The following LRIG3 variants were observed in gnomAD, a reference collection of about 807,000 sequenced individuals.
The protein encoded by LRIG3 is leucine-rich repeats and immunoglobulin-like domains protein 3.
In LRIG3, 76 loss-of-function variants were observed where a neutral mutation model predicts 114.5. The observed-to-expected ratio is 0.66, with a 90% CI of 0.55 to 0.80. The LOEUF (loss-of-function observed/expected upper bound fraction) is 0.80, where lower values mean the gene tolerates loss of function less well. LRIG3 is among the 30% of genes least tolerant of loss of function. The pLI is 0.00. For synonymous variants in LRIG3, 512 were observed against 519.8 expected, an observed-to-expected ratio of 0.98 and a Z score of 0.20; for missense variants, 1,239 against 1,382.8, an observed-to-expected ratio of 0.90 and a Z score of 1.65.
chr12:58,899,917 T>A (rs866274455), intron 3 of LRIG3, among the ~76,000 whole-genome samples: 28 of 152,186 alleles, frequency 1.8e-4, no homozygotes, highest in African/African-American at 6.5e-4. Flanking sequence ...AGAGCTTGGA[T>A]GCTACCATCT....
rs1381108340 is a variant in LRIG3, at chr12:58,914,246, C to G, written c.308+19G>C. 6.2e-7 allele frequency: 1 copy of G among 1,611,658 alleles called. No individual in the cohort carries two copies. Among genetic ancestry groups the G allele is most frequent in the Non-Finnish European group, 8.5e-7 (1 of 1,178,350 alleles). On this transcript the variant is annotated intron_variant, in intron 2 of 18. Transcript: ENST00000320743. Reference sequence around the variant, plus strand: ...ACGTATTTTACTCAAACCTTAAAAACAAAATAACGAAGACTCACACTTCTC... The same window carrying G: ...ACGTATTTTACTCAAACCTTAAAAAGAAAATAACGAAGACTCACACTTCTC...
In LRIG3 at chr12:58,920,254, G is replaced by GTC; in HGVS notation, c.-21_-20dup. 1 of 1,331,932 alleles carries GTC rather than the reference G, an allele frequency of 7.5e-7. No individual in the cohort carries two copies. The highest frequency in any genetic ancestry group is 9.5e-7 in the Non-Finnish European group (1 of 1,047,272). The allele number at this position is 1,331,932 out of a possible 1,614,324, so 82.5% of individuals were successfully genotyped here. A position where few individuals can be genotyped will look rare whatever the true frequency, so the allele number is the denominator to read the frequency against. ...CGCTCATCGCGGTCCAGCGGCCTAG[G>GTC]TCTCTACCCGAAGCTCCCAGCCGGC... On this transcript the variant is annotated 5_prime_UTR_variant, in exon 1 of 19. Transcript: ENST00000320743.
In LRIG3 at chr12:58,874,071, C is replaced by G; in HGVS notation, c.3099G>C (p.Ser1033=). The G allele has an allele frequency of 1.2e-6, 2 of 1,614,092 alleles. No individual in the cohort carries two copies. Among genetic ancestry groups the G allele is most frequent in the Non-Finnish European group, 1.7e-6 (2 of 1,180,012 alleles). Residue 1033 remains serine, a synonymous_variant, in exon 18 of 19, where the codon TCG becomes TCC. Coordinates refer to ENST00000320743, the MANE Select transcript of LRIG3 (RefSeq NM_153377.5). ...TAAACTTACCCATGAAAGAATTACTCGAGGCAACCGACGCTGGCTCTGGAT... is the reference window on the plus strand; with the variant it reads ...TAAACTTACCCATGAAAGAATTACTGGAGGCAACCGACGCTGGCTCTGGAT... The part of the protein sequence containing the change: ...SANPEPASVA[S]SNSFMGTFGK...
intron 10 of LRIG3, among the ~76,000 whole-genome samples, chr12:58,884,244 T>G (rs1871203677): frequency 1.3e-5 from 2 of 152,210 alleles, no homozygotes; most frequent in Non-Finnish European, 2.9e-5. Context: ...GGCAGGAAAT[T>G]CATAAAATGA....
At chr12:58,875,665 C>A (rs1309294267) in intron 16 of LRIG3, among the ~76,000 whole-genome samples, 1 of 152,174 alleles carries the variant, frequency 6.6e-6, no homozygotes, top group African/African-American at 2.4e-5. Flanking sequence ...AGGTCTTGTA[C>A]CAAACCTGTG....
At chr12:58,903,642 T>C (rs1355921290) in intron 3 of LRIG3, among the ~76,000 whole-genome samples, 17 of 152,008 alleles carry the variant, frequency 1.1e-4, no homozygotes, top group Non-Finnish European at 2.4e-4. Flanking sequence ...TCCTTGCCCA[T>C]GCCTATGTCC....
intron 13 of LRIG3, 179 bp downstream of exon 13, chr12:58,880,402 G>C (rs1250268365): frequency 5.5e-6 from 4 of 721,982 alleles, no homozygotes; most frequent in Non-Finnish European, 9.9e-6. Flanking sequence ...CAACATAATT[G>C]CAGGTTTAGA....
At chr12:58,909,776 C>T (rs566755388) in intron 3 of LRIG3, among the ~76,000 whole-genome samples, 1 of 152,216 alleles carries the variant, frequency 6.6e-6, no homozygotes, top group Non-Finnish European at 1.5e-5. Context: ...AAGTTAATTC[C>T]AGGCCACCTG....
intron 3 of LRIG3, among the ~76,000 whole-genome samples, chr12:58,897,846 G>A (rs1227421573): frequency 6.6e-6 from 1 of 152,068 alleles, no homozygotes; most frequent in East Asian, 1.9e-4. Context: ...CTTTTTTGGG[G>A]CAGAGGCCTT....
rs1379975221 is a variant in LRIG3, at chr12:58,877,764, A to C, written c.2172T>G (p.Pro724=). The C allele has an allele frequency of 6.2e-7, 1 of 1,614,112 alleles. No individual in the cohort carries two copies. Among genetic ancestry groups the C allele is most frequent in the Non-Finnish European group, 8.5e-7 (1 of 1,180,016 alleles). Residue 724 remains proline (P), a synonymous_variant, in exon 15 of 19, where the codon CCT becomes CCG. Transcript: ENST00000320743. ...AVLQCIAGGS[P]PPKLNWTKDD... The stretch of plus-strand genomic sequence containing the variant: ...CTTTGGTCCAGTTCAGTTTAGGGGG[A>C]GGGCTTCCTCCAGCAATGCACTGTA...
At chr12:58,908,326 G>C (rs1183324754) in intron 3 of LRIG3, among the ~76,000 whole-genome samples, 1 of 152,204 alleles carries the variant, frequency 6.6e-6, no homozygotes, top group Non-Finnish European at 1.5e-5. Flanking sequence ...AGTGTGGAAA[G>C]AGGAGGGTTT....
chr12:58,878,895 A>G lies in LRIG3; in HGVS notation c.2012T>C (p.Ile671Thr), dbSNP rs200748601. ...CTGAGCTGTGCAGCTGTATACCCCA[A>G]TGTCCTCTATCTTCACATCCACGAT... The part of the protein sequence containing the change: ...FFIVDVKIED[I>T]GVYSCTAQNS... Residue 671 changes from isoleucine to threonine, a missense_variant, in exon 14 of 19, where the codon ATT becomes ACT. Coordinates refer to ENST00000320743, the MANE Select transcript of LRIG3 (RefSeq NM_153377.5). The G allele has an allele frequency of 4.0e-5, 64 of 1,614,148 alleles. No homozygotes were observed. In the South Asian group the frequency reaches 4.1e-4, roughly 10 times the overall value.
intron 13 of LRIG3, among the ~76,000 whole-genome samples, chr12:58,879,803 A>C (rs1871056912): frequency 6.6e-6 from 1 of 152,246 alleles, no homozygotes; most frequent in Admixed American, 6.5e-5. Flanking sequence ...CTAAATGAGC[A>C]TAATGCCTCT....
At chr12:58,911,145 G>A (rs1361728923) in intron 3 of LRIG3, among the ~76,000 whole-genome samples, 1 of 130,216 alleles carries the variant, frequency 7.7e-6, no homozygotes, top group Admixed American at 8.0e-5. Context: ...TTCAGGCCTT[G>A]TGCATGCTAA....
At position 58,909,749 on chromosome 12, in the gene LRIG3, G is replaced by A. The variant is rs117892519; in HGVS notation, c.383+4233C>T. 2.2e-4 allele frequency among the ~76,000 whole-genome samples: 34 copies of A among 152,306 alleles called. No homozygotes were observed. In the East Asian group the frequency reaches 6.0e-3, roughly 27 times the overall value. ...TAACTTGCCCAAGGTTACAAACCTGGCAAAGGGTGGAGCCAAAAGTTAATT... is the reference window on the plus strand; with the variant it reads ...TAACTTGCCCAAGGTTACAAACCTGACAAAGGGTGGAGCCAAAAGTTAATT... On this transcript the variant is annotated intron_variant, in intron 3 of 18. Coordinates refer to ENST00000320743, the MANE Select transcript of LRIG3 (RefSeq NM_153377.5).
intron 16 of LRIG3, 145 bp downstream of exon 16, chr12:58,876,300 T>G: frequency 1.3e-6 from 1 of 763,330 alleles, no homozygotes; most frequent in East Asian, 2.7e-5. Flanking sequence ...GGTATAGAAC[T>G]ATACAATTTC....
At chr12:58,882,520 G>A (rs1871154878) in intron 12 of LRIG3, among the ~76,000 whole-genome samples, 1 of 152,098 alleles carries the variant, frequency 6.6e-6, no homozygotes, top group Non-Finnish European at 1.5e-5. Context: ...TCAGAGTTGG[G>A]AAGAGAAGAA....
chr12:58,873,077 G>A (rs1350184463), intron 18 of LRIG3, among the ~76,000 whole-genome samples: 2 of 152,152 alleles, frequency 1.3e-5, no homozygotes, highest in Non-Finnish European at 2.9e-5. Flanking sequence ...ATGACCTGTA[G>A]TAATGTTAAT....
chr12:58,892,018 T>G (rs543563025), intron 3 of LRIG3, among the ~76,000 whole-genome samples: 1 of 151,342 alleles, frequency 6.6e-6, no homozygotes, highest in East Asian at 1.9e-4. Flanking sequence ...ACTGTTATAC[T>G]GAACAAATGG....
Sources: allele counts gnomAD v4.1 joint callset (sites outside exome capture counted in the v4.1 genomes callset), GRCh38; gene constraint gnomAD v4.1.1; transcripts MANE v1.5; gene names NCBI Gene and HGNC (gene_info 2026-07-23, HGNC 2026-07-21).